The following UNC13A variants were observed in gnomAD, a reference collection of about 807,000 sequenced individuals.
UNC13A encodes unc-13 homolog A.
UNC13A carries 61 observed loss-of-function variants against 219.7 expected under a neutral mutation model. The ratio of observed to expected loss-of-function variants is 0.28; its 90% CI spans 0.23 to 0.34. The LOEUF is 0.34. Ranked by LOEUF, UNC13A falls within the 10% of genes least tolerant of loss-of-function variation. The pLI is 1.00. For missense variants in UNC13A, 1,476 were observed against 2,270.3 expected, an observed-to-expected ratio of 0.65 and a Z score of 7.11; for synonymous variants, 920 against 884.6, an observed-to-expected ratio of 1.04 and a Z score of -0.71.
At chr19:17,630,039 C>T (rs1011529904) in intron 30 of UNC13A, 106 bp downstream of exon 30, 1 of 1,291,432 alleles carries the variant, frequency 7.7e-7, no homozygotes. Context: ...TCAATGACAT[C>T]ACCAACTCCA....
At chr19:17,617,612 C>T in intron 41 of UNC13A, 90 bp downstream of exon 41, 9 of 1,551,678 alleles carry the variant, frequency 5.8e-6, no homozygotes, top group Non-Finnish European at 7.9e-6. Context: ...CATGACGTCA[C>T]AGGGGAGTGA....
chr19:17,682,239 C>A lies in UNC13A; in HGVS notation c.22+5939G>T, dbSNP rs149532738. Among the ~76,000 whole-genome samples the A allele has an allele frequency of 4.0e-3, 616 of 152,268 alleles. 4 individuals carry two copies. Among genetic ancestry groups the A allele is most frequent in the African/African-American group, 0.014 (570 of 41,550 alleles). On this transcript the variant is annotated intron_variant, in intron 1 of 43. Transcript: ENST00000519716. ...AAAGTGCTGGGATTACAGGCGTGAG[C>A]CACCGGGGCCGGCCCATCATTGATT...
Position 17,648,418 on chromosome 19 carries a change from G to A in UNC13A, c.1816+13C>T. The A allele has an allele frequency of 1.3e-6, 2 of 1,570,380 alleles. No homozygotes were observed. The highest frequency in any genetic ancestry group is 2.3e-5 in the South Asian group (2 of 87,546). The stretch of plus-strand genomic sequence containing the variant: ...CGCCAACCCGTGGCCCTGCGCTCAG[G>A]CCCTGCGCTCACGCTGCAGGCAGTC... On this transcript the variant is annotated intron_variant, in intron 16 of 43. Coordinates refer to ENST00000519716, the MANE Select transcript of UNC13A (RefSeq NM_001080421.3).
chr19:17,662,487 A>T (rs908167784), intron 8 of UNC13A, among the ~76,000 whole-genome samples: 8 of 152,126 alleles, frequency 5.3e-5, no homozygotes, highest in African/African-American at 1.9e-4. Flanking sequence ...ATAATAATAA[A>T]AATAAAGTGC....
At chr19:17,630,612 A>G (rs761223111) in intron 29 of UNC13A, 42 bp downstream of exon 29, 2 of 1,603,296 alleles carry the variant, frequency 1.2e-6, no homozygotes, top group Non-Finnish European at 1.7e-6. Context: ...AATTGACCCC[A>G]GTGGGAAGAT....
intron 9 of UNC13A, 37 bp from the exon 10 acceptor site, chr19:17,656,435 C>T (rs968877466): frequency 2.6e-5 from 38 of 1,466,360 alleles, no homozygotes; most frequent in African/African-American, 4.2e-5. Flanking sequence ...ACTGGGGTAC[C>T]GAGTCACTGC....
In UNC13A at chr19:17,605,637, T is replaced by G. The variant is rs2076515185; in HGVS notation, c.*417A>C. On this transcript the variant is annotated 3_prime_UTR_variant, in exon 44 of 44. Coordinates refer to ENST00000519716, the MANE Select transcript of UNC13A (RefSeq NM_001080421.3). ...CCCCTCGAGGGAGCTGAGATTTCCA[T>G]ACTTGGCAATTGGTCTGGGGTCCCA... 2 of 167,316 alleles carry G rather than the reference T, an allele frequency of 1.2e-5. No homozygotes were observed. Among genetic ancestry groups the G allele is most frequent in the East Asian group, 3.5e-4 (2 of 5,772 alleles). 10.4% of individuals were successfully genotyped at this position (167,316 alleles called of 1,614,324 possible). A position where few individuals can be genotyped will look rare whatever the true frequency, so the allele number is the denominator to read the frequency against.
intron 7 of UNC13A, 61 bp from the exon 8 acceptor site, chr19:17,663,628 G>C: frequency 6.5e-7 from 1 of 1,544,298 alleles, no homozygotes. Flanking sequence ...GTGTAGGAAG[G>C]GGGCTCCCCT....
rs777719234 is a variant in UNC13A at position 17,632,924 on chromosome 19, G to C, written c.3302-16C>G. 4.0e-5 allele frequency: 65 copies of C among 1,613,764 alleles called. No homozygotes were observed. Among genetic ancestry groups the C allele is most frequent in the Non-Finnish European group, 5.2e-5 (61 of 1,179,904 alleles). ...TTGTCGTGCTCTGGCCAGGGACAAA[G>C]AGGATGGCACAGCTGGAAGGGTCTG... On this transcript the variant is annotated splice_polypyrimidine_tract_variant and intron_variant, in intron 27 of 43. Transcript: ENST00000519716.
At chr19:17,652,213 C>T (rs1293278667) in intron 12 of UNC13A, among the ~76,000 whole-genome samples, 1 of 152,140 alleles carries the variant, frequency 6.6e-6, no homozygotes, top group Non-Finnish European at 1.5e-5. Context: ...CTCACTACAA[C>T]CTCTGCCTCT....
intron 3 of UNC13A, among the ~76,000 whole-genome samples, chr19:17,673,884 G>A (rs1014884116): frequency 1.3e-5 from 2 of 151,766 alleles, no homozygotes; most frequent in African/African-American, 4.8e-5. Flanking sequence ...GGTGGCACAC[G>A]CTTGTAATCC....
At position 17,629,311 on chromosome 19, in the gene UNC13A, C is replaced by T; in HGVS notation, c.3682G>A (p.Val1228Met). ...ATGATGTCTGCATACTGGAGGAGCA[C>T]ATTACTGATGGTCTGGGGAAGACAC... ...MRRFAKTISN[V>M]LLQYADIISK... The change falls in exon 31 of 44, where the codon GTG (valine) becomes ATG (methionine). Residue 1228 changes from valine to methionine, a missense_variant. Around this residue, in one of 14 missense-constraint regions of UNC13A, gnomAD observed 218 missense variants for 409.4 expected, o/e 0.53. Transcript: ENST00000519716. The T allele has an allele frequency of 6.2e-7, 1 of 1,611,416 alleles. No individual in the cohort carries two copies.
intron 26 of UNC13A, among the ~76,000 whole-genome samples, chr19:17,634,950 A>T (rs1052179192): frequency 6.6e-6 from 1 of 151,914 alleles, no homozygotes; most frequent in African/African-American, 2.4e-5. Flanking sequence ...GGCTCACTGC[A>T]AGCTCCACCT....
intron 1 of UNC13A, among the ~76,000 whole-genome samples, chr19:17,684,146 G>A (rs2080068014): frequency 6.6e-6 from 1 of 152,164 alleles, no homozygotes; most frequent in African/African-American, 2.4e-5. Flanking sequence ...ATGCTGTGAG[G>A]CACATAGGAA....
At chr19:17,675,957 G>GAGAC (rs112409090) in intron 2 of UNC13A, 55 bp downstream of exon 2, 30 of 1,514,394 alleles carry the variant, frequency 2.0e-5, no homozygotes, top group East Asian at 2.5e-5. Flanking sequence ...GTCTCTCCAA[G>GAGAC]AGACAGACAG....
intron 41 of UNC13A, among the ~76,000 whole-genome samples, chr19:17,613,463 TAATC>T (rs2076625891): frequency 6.6e-6 from 1 of 151,984 alleles, no homozygotes; most frequent in Non-Finnish European, 1.5e-5. Flanking sequence ...CACTCTGAGA[TAATC>T]AAAGTGGTTT....
intron 2 of UNC13A, among the ~76,000 whole-genome samples, chr19:17,675,651 A>T (rs1392358276): frequency 6.7e-6 from 1 of 149,580 alleles, no homozygotes; most frequent in Non-Finnish European, 1.5e-5. Context: ...AAAAAAGAAG[A>T]AGAAGAAAAG....
At position 17,618,408 on chromosome 19, in the gene UNC13A, T is replaced by C. The variant is rs376716768; in HGVS notation, c.4410+13A>G. 32 of 1,568,194 alleles carry C rather than the reference T, an allele frequency of 2.0e-5. No individual in the cohort carries two copies. In the Middle Eastern group the frequency reaches 5.0e-4, roughly 24 times the overall value. ...ATCCCCCACCTGGGATGGGGAGGGG[T>C]AGGGCCTCTCACCTTGATGGTGTCC... is the stretch of plus-strand genomic sequence containing the variant. On this transcript the variant is annotated intron_variant, in intron 40 of 43. Coordinates refer to ENST00000519716, the MANE Select transcript of UNC13A (RefSeq NM_001080421.3).
intron 43 of UNC13A, 86 bp from the exon 44 acceptor site, chr19:17,606,440 C>T (rs543512375): frequency 1.3e-6 from 2 of 1,483,000 alleles, no homozygotes; most frequent in African/African-American, 2.8e-5. Flanking sequence ...ATTTGCGGGC[C>T]ACGCCCACAC....
Sources: allele counts gnomAD v4.1 joint callset (sites outside exome capture counted in the v4.1 genomes callset), GRCh38; gene constraint gnomAD v4.1.1; regional missense constraint gnomAD v4.1.1; transcripts MANE v1.5; gene names NCBI Gene and HGNC (gene_info 2026-07-23, HGNC 2026-07-21).